Variants in UGT1A3 observed in about 807,000 individuals in gnomAD.
The protein encoded by UGT1A3 is UDP-glucuronosyltransferase 1A3.
UGT1A3 carries 31 observed loss-of-function variants against 41.0 expected under a neutral mutation model. The ratio of observed to expected loss-of-function variants is 0.76; its 90% CI spans 0.57 to 1.02. The LOEUF is 1.02. Among genes scored for constraint, UGT1A3 ranks in the 50% least tolerant of loss-of-function variants. The pLI is 0.00. For missense variants in UGT1A3, 737 were observed against 671.0 expected, an observed-to-expected ratio of 1.10 and a Z score of -1.09; for synonymous variants, 262 against 257.6, an observed-to-expected ratio of 1.02 and a Z score of -0.17.
chr2:233,735,441 C>T (rs867526694), intron 1 of UGT1A3, among the ~76,000 whole-genome samples: 5 of 151,950 alleles, frequency 3.3e-5, no homozygotes, highest in African/African-American at 9.7e-5. Flanking sequence ...TACAGCATAC[C>T]GATGGGCCTT....
chr2:233,753,949 C>T (rs1032633055), intron 1 of UGT1A3, among the ~76,000 whole-genome samples: 3 of 152,164 alleles, frequency 2.0e-5, no homozygotes, highest in African/African-American at 7.2e-5. Context: ...GTATGACCTC[C>T]AAAATATTAA....
chr2:233,768,262 A>G lies in UGT1A3; in HGVS notation c.1130A>G (p.His377Arg), dbSNP rs1349037761. The change falls in exon 4 of 5, where the codon CAT becomes CGT. Residue 377 changes from histidine to arginine, a missense_variant. Physicochemically the swap from His to Arg is conservative, Grantham distance 29. Coordinates refer to ENST00000482026, the MANE Select transcript of UGT1A3 (RefSeq NM_019093.4). ...GCCTTTATCACCCATGCTGGTTCCC[A>G]TGGTGTTTATGAAAGCATATGCAAT... Reference protein sequence around the residue: ...TRAFITHAGSHGVYESICNGV... With the variant: ...TRAFITHAGSRGVYESICNGV... 1 of 1,614,138 alleles carries G rather than the reference A, an allele frequency of 6.2e-7. No individual in the cohort carries two copies. Among genetic ancestry groups the G allele is most frequent in the Non-Finnish European group, 8.5e-7 (1 of 1,180,018 alleles).
In UGT1A3 at chr2:233,747,393, C is replaced by T. The variant is rs925567764; in HGVS notation, c.867+17400C>T. Reference sequence around the variant, plus strand: ...TGCCAGAGGCCACCAGGCGGTGGTCCTCACCCCAGAGGTGAATATGCACAT... The same window carrying T: ...TGCCAGAGGCCACCAGGCGGTGGTCTTCACCCCAGAGGTGAATATGCACAT... On this transcript the variant is annotated intron_variant, in intron 1 of 4. Transcript: ENST00000482026. 15 of 1,605,988 alleles carry T rather than the reference C, an allele frequency of 9.3e-6. No homozygotes were observed. The East Asian group carries it at 3.3e-4, about 36-fold the overall frequency.
At chr2:233,762,433 T>C (rs1249713494) in intron 1 of UGT1A3, among the ~76,000 whole-genome samples, 1 of 152,232 alleles carries the variant, frequency 6.6e-6, no homozygotes, top group African/African-American at 2.4e-5. Context: ...AGAGTAACAG[T>C]GTATTCCCAC....
chr2:233,736,730 T>C (rs1173879168), intron 1 of UGT1A3, among the ~76,000 whole-genome samples: 2 of 152,186 alleles, frequency 1.3e-5, no homozygotes, highest in African/African-American at 2.4e-5. Flanking sequence ...TTGATGTTTA[T>C]GCTGTTCCTT....
Position 233,772,812 on chromosome 2 carries a change from C to A in UGT1A3, c.*253C>A. ...ATGACATGTGCCATTTTTCAGAGGA[C>A]GTGCAGACAGGCTGGCATTCTAGAT... is the stretch of plus-strand genomic sequence containing the variant. On this transcript the variant is annotated 3_prime_UTR_variant, in exon 5 of 5. Transcript: ENST00000482026. The A allele has an allele frequency of 1.9e-6, 2 of 1,035,896 alleles. No homozygotes were observed. Among genetic ancestry groups the A allele is most frequent in the Non-Finnish European group, 2.6e-6 (2 of 759,452 alleles). 64.2% of individuals were successfully genotyped at this position (1,035,896 alleles called of 1,614,324 possible). A position where few individuals can be genotyped will look rare whatever the true frequency, so the allele number is the denominator to read the frequency against.
chr2:233,735,829 A>G (rs1353832025), intron 1 of UGT1A3, among the ~76,000 whole-genome samples: 8 of 152,278 alleles, frequency 5.3e-5, no homozygotes, highest in African/African-American at 1.9e-4. Context: ...AGAATGTTGA[A>G]TATTGGCCCC....
intron 1 of UGT1A3, among the ~76,000 whole-genome samples, chr2:233,766,404 G>A (rs990056235): frequency 5.3e-5 from 8 of 152,282 alleles, no homozygotes; most frequent in Non-Finnish European, 1.0e-4. Context: ...GCGTCCCTCC[G>A]CTGATGTGCT....
rs879204025 is a variant in UGT1A3, at chr2:233,769,857, CA to C, written c.1307+1435del. 0.15 allele frequency: 32,681 copies of C among 223,256 alleles called. 81 individuals are homozygous for C. Among genetic ancestry groups the C allele is most frequent in the Middle Eastern group, 0.2 (155 of 784 alleles). The allele number at this position is 223,256 out of a possible 1,614,324, so 13.8% of individuals were successfully genotyped here. ...TGGGCAACAGAGTGAGACCCTGTCT[CA>C]AAAAAAAAAAAAAAAATGAAAAGTC... On this transcript the variant is annotated intron_variant, in intron 4 of 4. Transcript: ENST00000482026. This position sits in a 1 kb window ranked among gnomAD's most constrained non-coding sequence, Gnocchi z 4.4.
chr2:233,760,501 G>T, intron 1 of UGT1A3: 2 of 1,614,238 alleles, frequency 1.2e-6, no homozygotes, highest in East Asian at 2.2e-5. Context: ...CAGAGACGGA[G>T]CATTTTACAC....
chr2:233,747,276 T>G (rs1693607556), intron 1 of UGT1A3: 6 of 1,598,748 alleles, frequency 3.8e-6, no homozygotes, highest in Non-Finnish European at 5.1e-6. Flanking sequence ...TCCTTCTCAG[T>G]GCCCAGCCCT....
intron 1 of UGT1A3, among the ~76,000 whole-genome samples, chr2:233,758,934 A>T (rs1366675557): frequency 1.3e-5 from 2 of 152,238 alleles, no homozygotes; most frequent in Non-Finnish European, 2.9e-5. Context: ...TTTTGACTTC[A>T]AATCAGTCAT....
intron 1 of UGT1A3, among the ~76,000 whole-genome samples, chr2:233,739,832 A>C (rs1448736467): frequency 1.3e-5 from 2 of 152,016 alleles, no homozygotes; most frequent in Non-Finnish European, 2.9e-5. Flanking sequence ...GTGAAAAGAC[A>C]TGAGATTTGG....
intron 1 of UGT1A3, among the ~76,000 whole-genome samples, chr2:233,763,888 CT>C (rs1451970704): frequency 2.0e-5 from 3 of 152,126 alleles, no homozygotes; most frequent in Non-Finnish European, 1.5e-5. Flanking sequence ...AGAAAAATAA[CT>C]AAACAGAAGA....
chr2:233,772,895 C>T lies in UGT1A3; in HGVS notation c.*336C>T. 1 of 493,846 alleles carries T rather than the reference C, an allele frequency of 2.0e-6. No homozygotes were observed. The highest frequency in any genetic ancestry group is 3.3e-6 in the Non-Finnish European group (1 of 304,584). 30.6% of individuals were successfully genotyped at this position (493,846 alleles called of 1,614,324 possible). A position where few individuals can be genotyped will look rare whatever the true frequency, so the allele number is the denominator to read the frequency against. ...GGAGTGCGGGATTCAAAGGTGGTCC[C>T]ACGGCTGCCCCTACTGCAAATGGCA... On this transcript the variant is annotated 3_prime_UTR_variant, in exon 5 of 5. Transcript: ENST00000482026.
At chr2:233,733,568 T>G (rs1265676895) in intron 1 of UGT1A3, among the ~76,000 whole-genome samples, 1 of 152,248 alleles carries the variant, frequency 6.6e-6, no homozygotes, top group Non-Finnish European at 1.5e-5. Flanking sequence ...GAAATAATCA[T>G]GTGGTTTGTC....
At chr2:233,755,084 G>C in intron 1 of UGT1A3, 2 of 1,335,302 alleles carry the variant, frequency 1.5e-6, no homozygotes, top group Non-Finnish European at 2.0e-6. Flanking sequence ...CATAGATATC[G>C]CGTTTCTACG....
chr2:233,758,772 T>G lies in UGT1A3; in HGVS notation c.868-8262T>G, dbSNP rs34118072. Reference sequence around the variant, plus strand: ...GCCAGTGATGTGTATGGTTCAAATGTTGGGATCTGTGCAGTTATCTTGGAA... The same window carrying G: ...GCCAGTGATGTGTATGGTTCAAATGGTGGGATCTGTGCAGTTATCTTGGAA... On this transcript the variant is annotated intron_variant, in intron 1 of 4. Coordinates refer to ENST00000482026, the MANE Select transcript of UGT1A3 (RefSeq NM_019093.4). Among the ~76,000 whole-genome samples, 852 of 152,332 alleles carry G rather than the reference T, an allele frequency of 5.6e-3. 11 individuals carry two copies. The highest frequency in any genetic ancestry group is 0.02 in the African/African-American group (820 of 41,568).
intron 1 of UGT1A3, among the ~76,000 whole-genome samples, chr2:233,749,727 C>A (rs1694261714): frequency 6.6e-6 from 1 of 151,854 alleles, no homozygotes; most frequent in Admixed American, 6.5e-5. Context: ...CAGTTTCGCA[C>A]CTGCTGGTCT....
Sources: allele counts gnomAD v4.1 joint callset (sites outside exome capture counted in the v4.1 genomes callset), GRCh38; gene constraint gnomAD v4.1.1; non-coding constraint Gnocchi (gnomAD v3.1); transcripts MANE v1.5; gene names NCBI Gene and HGNC (gene_info 2026-07-23, HGNC 2026-07-21).